The following CROT variants were observed in gnomAD, a reference collection of about 807,000 sequenced individuals.
CROT encodes the protein carnitine O-octanoyltransferase.
A neutral mutation model predicts 89.2 loss-of-function variants in CROT; 84 were observed. The ratio of observed to expected loss-of-function variants is 0.94; its 90% CI spans 0.79 to 1.13. CROT has a LOEUF of 1.13. Among genes scored for constraint, CROT ranks in the 50% most tolerant of loss-of-function variants. The probability of loss-of-function intolerance (pLI) is 0.00; values close to 1 mark genes in which losing one functional copy is unlikely to be tolerated. For synonymous variants in CROT, 212 were observed against 239.5 expected (o/e 0.89, Z 1.06); for missense variants, 711 against 727.8 (o/e 0.98, Z 0.27).
chr7:87,388,880 G>A (rs1199260124), intron 13 of CROT, among the ~76,000 whole-genome samples: 1 of 152,032 alleles, frequency 6.6e-6, no homozygotes, highest in Non-Finnish European at 1.5e-5. Flanking sequence ...CTAACCACCT[G>A]ACAAAGGGCT....
chr7:87,391,798 T>A lies in CROT; in HGVS notation c.1425+86T>A. ...GTCTTTGAGTAACTAACTTCTTTGC[T>A]TCAGTTTTCCTGGATCATTAAAATA... On this transcript the variant is annotated intron_variant, in intron 14 of 17. Transcript: ENST00000331536. The A allele has an allele frequency of 3.0e-6, 4 of 1,349,200 alleles. No homozygotes were observed. In the South Asian group the frequency reaches 5.5e-5, roughly 18 times the overall value. The allele number at this position is 1,349,200 out of a possible 1,614,324, so 83.6% of individuals were successfully genotyped here.
intron 3 of CROT, among the ~76,000 whole-genome samples, chr7:87,350,207 T>C (rs1034922415): frequency 2.6e-5 from 4 of 152,082 alleles, no homozygotes; most frequent in African/African-American, 9.7e-5. Context: ...AAATACAAGT[T>C]TCTAGAGAAC....
At chr7:87,354,297 CA>C in intron 3 of CROT, 1 of 496,370 alleles carries the variant, frequency 2.0e-6, no homozygotes, top group South Asian at 1.4e-5. Flanking sequence ...AGACAGTTAC[CA>C]AAAAGGCAAA....
chr7:87,369,357 T>G lies in CROT; in HGVS notation c.548-19T>G. The G allele has an allele frequency of 2.6e-6, 4 of 1,563,188 alleles. No homozygotes were observed. Among genetic ancestry groups the G allele is most frequent in the Non-Finnish European group, 3.5e-6 (4 of 1,144,864 alleles). ...TTAACCTTAGATTTGAGTCTTGTGT[T>G]TTCTGTTTCTGTTTCCAGAGAGTGA... On this transcript the variant is annotated intron_variant, in intron 6 of 17. Transcript: ENST00000331536.
Position 87,361,814 on chromosome 7 carries a change from GA to G in CROT, c.511del (p.Ile171LeufsTer7). The stretch of plus-strand genomic sequence containing the variant: ...CTATTTTCTACCTGCAAGGTTCCAG[GA>G]ATTACTAGAGACTCCATTATGAATT... ...RMLFSTCKVP[G>X]ITRDSIMNYF... On this transcript the variant is annotated frameshift_variant, in exon 6 of 18. Transcript: ENST00000331536. LOFTEE classifies it high-confidence loss of function. 1 of 1,608,084 alleles carries G rather than the reference GA, an allele frequency of 6.2e-7. No individual in the cohort carries two copies. Among genetic ancestry groups the G allele is most frequent in the Non-Finnish European group, 8.5e-7 (1 of 1,177,844 alleles).
intron 13 of CROT, among the ~76,000 whole-genome samples, chr7:87,390,102 A>T (rs2116150862): frequency 6.6e-6 from 1 of 152,246 alleles, no homozygotes; most frequent in African/African-American, 2.4e-5. Context: ...TCCCATGGTG[A>T]TATTTAACAT....
chr7:87,384,843 C>T (rs757481380), intron 13 of CROT, among the ~76,000 whole-genome samples: 7 of 152,182 alleles, frequency 4.6e-5, no homozygotes, highest in African/African-American at 9.6e-5. Flanking sequence ...TTTATAGTTT[C>T]AGGTCTTATA....
chr7:87,358,062 G>C (rs867501924), intron 3 of CROT, among the ~76,000 whole-genome samples: 3 of 152,250 alleles, frequency 2.0e-5, no homozygotes, highest in Admixed American at 6.5e-5. Context: ...CTAAGCTCCT[G>C]CTTCCTTAAC....
At chr7:87,383,453 T>G (rs1165238506) in intron 13 of CROT, among the ~76,000 whole-genome samples, 1 of 152,154 alleles carries the variant, frequency 6.6e-6, no homozygotes, top group Non-Finnish European at 1.5e-5. Context: ...CATTCTTTGT[T>G]TTTTTATTTT....
chr7:87,382,422 C>T lies in CROT; in HGVS notation c.1180C>T (p.Leu394=). The T allele has an allele frequency of 6.2e-7, 1 of 1,612,992 alleles. No homozygotes were observed. The change falls in exon 13 of 18, where the codon CTA becomes TTA. Residue 394 remains leucine, a synonymous_variant. Transcript: ENST00000331536. ...KAQYLREASD[L]QIAAYAFTSF... is the part of the protein sequence containing the mutation. Reference sequence around the variant, plus strand: ...TAATTCTTCTTGTTAGGCATCTGATCTACAGATTGCGGCTTATGCCTTTAC... The same window carrying T: ...TAATTCTTCTTGTTAGGCATCTGATTTACAGATTGCGGCTTATGCCTTTAC...
intron 6 of CROT, among the ~76,000 whole-genome samples, chr7:87,363,368 C>T (rs973213709): frequency 1.3e-5 from 2 of 152,110 alleles, no homozygotes; most frequent in African/African-American, 4.8e-5. Flanking sequence ...AACTACATGG[C>T]AATTTTATAT....
intron 13 of CROT, among the ~76,000 whole-genome samples, chr7:87,385,583 T>G (rs1807161071): frequency 6.6e-6 from 1 of 152,154 alleles, no homozygotes; most frequent in Non-Finnish European, 1.5e-5. Context: ...CTCTAATGGC[T>G]GTTTGTTGGT....
At chr7:87,382,688 A>G (rs1044616720) in intron 13 of CROT, 145 bp downstream of exon 13, 1 of 748,868 alleles carries the variant, frequency 1.3e-6, no homozygotes, top group Non-Finnish European at 2.1e-6. Flanking sequence ...CCATCAATAG[A>G]GTATTAGATT....
At chr7:87,385,890 A>T (rs1807169263) in intron 13 of CROT, among the ~76,000 whole-genome samples, 1 of 152,076 alleles carries the variant, frequency 6.6e-6, no homozygotes, top group South Asian at 2.1e-4. Flanking sequence ...TTTATCATGA[A>T]GGTATGTTTA....
At chr7:87,373,662 A>G (rs1235442035) in intron 7 of CROT, among the ~76,000 whole-genome samples, 16 of 152,100 alleles carry the variant, frequency 1.1e-4, no homozygotes, top group Non-Finnish European at 2.2e-4. Context: ...ACAGAGATTG[A>G]GAGAAAAAAT....
intron 3 of CROT, among the ~76,000 whole-genome samples, chr7:87,352,794 CCATA>C (rs1449399212): frequency 6.6e-6 from 1 of 152,110 alleles, no homozygotes; most frequent in Non-Finnish European, 1.5e-5. Context: ...GAAAAGAAGC[CCATA>C]CGTAGCCAAA....
At chr7:87,350,810 G>A (rs1049541472) in intron 3 of CROT, among the ~76,000 whole-genome samples, 1 of 152,168 alleles carries the variant, frequency 6.6e-6, no homozygotes, top group Admixed American at 6.5e-5. Context: ...GAAGTGGCTG[G>A]TGTCATGTCT....
In CROT at chr7:87,398,572, G is replaced by A. The variant is rs148440761; in HGVS notation, c.1767G>A (p.Ala589=). ...SAWKSCPETD[A]EKLVQLTFCA... is the part of the protein sequence containing the mutation. ...GGAAATCCTGTCCCGAGACTGATGC[G>A]GAAAAGCTAGTTCAGCTGACTTTTT... is the stretch of plus-strand genomic sequence containing the variant. The change falls in exon 18 of 18, where the codon GCG becomes GCA. Residue 589 remains alanine (A), a synonymous_variant. Transcript: ENST00000331536. The A allele has an allele frequency of 2.2e-5, 36 of 1,613,524 alleles. No individual in the cohort carries two copies. The highest frequency in any genetic ancestry group is 3.3e-4 in the Middle Eastern group (2 of 6,078).
chr7:87,393,367 G>A (rs572841619), intron 17 of CROT, among the ~76,000 whole-genome samples: 2 of 152,164 alleles, frequency 1.3e-5, no homozygotes, highest in South Asian at 4.1e-4. Context: ...GTTTGTACAA[G>A]GTATTTTATA....
Sources: gnomAD v4.1 joint callset for allele counts (sites outside exome capture counted in the v4.1 genomes callset) on GRCh38, gnomAD v4.1.1 for gene constraint, MANE v1.5 for transcripts, NCBI Gene and HGNC (gene_info 2026-07-23, HGNC 2026-07-21) for gene names.